Variants in TMEM182 observed in about 807,000 individuals in gnomAD.
The protein encoded by TMEM182 is transmembrane protein 182.
TMEM182 carries 20 observed loss-of-function variants against 26.8 expected under a neutral mutation model. The observed-to-expected ratio is 0.75, with a 90% CI of 0.53 to 1.09. The LOEUF is 1.09. TMEM182 is among the 50% of genes least tolerant of loss of function. The probability of loss-of-function intolerance (pLI) is 0.00; values close to 1 mark genes in which losing one functional copy is unlikely to be tolerated. For missense variants in TMEM182, 277 were observed against 275.5 expected (o/e 1.01, Z -0.04); for synonymous variants, 109 against 102.2 (o/e 1.07, Z -0.40).
rs1341766374 is a variant in TMEM182 at position 102,815,780 on chromosome 2, T to A, written c.*812T>A. ...GCTTGGTCCATAATTCTATTTGATATTTTAAAATTCTCATTTAAAAATTAT... is the reference window on the plus strand; with the variant it reads ...GCTTGGTCCATAATTCTATTTGATAATTTAAAATTCTCATTTAAAAATTAT... On this transcript the variant is annotated 3_prime_UTR_variant, in exon 5 of 5. Transcript: ENST00000412401. The A allele has an allele frequency of 1.5e-5, 14 of 929,898 alleles. No homozygotes were observed. Among genetic ancestry groups the A allele is most frequent in the Non-Finnish European group, 1.8e-5 (14 of 779,634 alleles). The allele number at this position is 929,898 out of a possible 1,614,324, so 57.6% of individuals were successfully genotyped here.
chr2:102,784,198 C>T (rs1222272041), intron 3 of TMEM182, among the ~76,000 whole-genome samples: 1 of 152,110 alleles, frequency 6.6e-6, no homozygotes, highest in Non-Finnish European at 1.5e-5. Context: ...TATAAGGTCC[C>T]TTGATCATGT....
intron 4 of TMEM182, among the ~76,000 whole-genome samples, chr2:102,811,183 A>G (rs1035628396): frequency 6.6e-5 from 10 of 151,928 alleles, no homozygotes; most frequent in Admixed American, 2.6e-4. Context: ...TGAAAAAAGT[A>G]CAGGCCTGTG....
intron 3 of TMEM182, among the ~76,000 whole-genome samples, chr2:102,776,211 C>A (rs771004410): frequency 9.2e-5 from 14 of 152,108 alleles, no homozygotes; most frequent in Admixed American, 6.5e-4. Flanking sequence ...TCAGGATTCA[C>A]TCTTTGTGTT....
chr2:102,760,702 C>G (rs1680180151), upstream of TMEM182, among the ~76,000 whole-genome samples: 1 of 152,066 alleles, frequency 6.6e-6, no homozygotes, highest in Non-Finnish European at 1.5e-5. Flanking sequence ...GCAACCTCAA[C>G]CTCCCGGGTT....
downstream of TMEM182, among the ~76,000 whole-genome samples, chr2:102,818,377 TA>T (rs1379504286): frequency 6.6e-6 from 1 of 152,110 alleles, no homozygotes; most frequent in African/African-American, 2.4e-5. Context: ...ATAATAAGCA[TA>T]AAGTTAGCAA....
chr2:102,747,047 T>C (rs922988715), intron 1 of TMEM182, among the ~76,000 whole-genome samples: 1 of 152,256 alleles, frequency 6.6e-6, no homozygotes, highest in Non-Finnish European at 1.5e-5. Flanking sequence ...ATGGTTTTCA[T>C]CAGTTATACT....
intron 3 of TMEM182, among the ~76,000 whole-genome samples, chr2:102,777,981 G>A (rs562084045): frequency 2.3e-4 from 35 of 152,002 alleles, no homozygotes; most frequent in East Asian, 1.7e-3. Context: ...TGCATATTCT[G>A]TAGTTTTATT....
intron 4 of TMEM182, among the ~76,000 whole-genome samples, chr2:102,809,308 G>C (rs1412319548): frequency 6.6e-6 from 1 of 152,144 alleles, no homozygotes; most frequent in Non-Finnish European, 1.5e-5. Flanking sequence ...TTGAAGAATT[G>C]CTTCGTTTCT....
chr2:102,758,618 C>A, upstream of TMEM182: 1 of 609,778 alleles, frequency 1.6e-6, no homozygotes, highest in Non-Finnish European at 3.0e-6. Context: ...GCCAGATCAG[C>A]ACTGTTTCTT....
intron 3 of TMEM182, among the ~76,000 whole-genome samples, chr2:102,830,847 A>T (rs1683136292): frequency 6.6e-6 from 1 of 151,956 alleles, no homozygotes; most frequent in Non-Finnish European, 1.5e-5. Context: ...CCACCCTCCC[A>T]CTACCCTTCC....
rs770121967 is a variant in TMEM182 at position 102,797,910 on chromosome 2, G to A, written c.379G>A (p.Val127Ile). 1.1e-5 allele frequency: 18 copies of A among 1,614,014 alleles called. No homozygotes were observed. Among genetic ancestry groups the A allele is most frequent in the Non-Finnish European group, 1.4e-5 (16 of 1,180,020 alleles). The change falls in exon 4 of 5, where the codon GTA becomes ATA. Residue 127 changes from valine (V) to isoleucine (I), a missense_variant. Coordinates refer to ENST00000412401, the MANE Select transcript of TMEM182 (RefSeq NM_144632.5). ...CCTGATGCTCCTGGGGGTAGTTGCT[G>A]TAGTCATCGCAAGCTTTTTGATCAT... ...AVLMLLGVVA[V>I]VIASFLIICA...
chr2:102,810,204 T>C (rs938861279), intron 4 of TMEM182, among the ~76,000 whole-genome samples: 1 of 152,212 alleles, frequency 6.6e-6, no homozygotes, highest in Non-Finnish European at 1.5e-5. Context: ...CTAACTTTTT[T>C]AGGAAAAAAG....
chr2:102,821,602 T>C (rs963595921), downstream of TMEM182, among the ~76,000 whole-genome samples: 1 of 152,218 alleles, frequency 6.6e-6, no homozygotes, highest in Non-Finnish European at 1.5e-5. Flanking sequence ...CTTTTCTTTA[T>C]AAATCACACA....
At chr2:102,772,571 G>A (rs1000240497) in intron 3 of TMEM182, among the ~76,000 whole-genome samples, 1 of 152,144 alleles carries the variant, frequency 6.6e-6, no homozygotes, top group Non-Finnish European at 1.5e-5. Context: ...GATAGATGCT[G>A]TAGAGTGTTT....
At chr2:102,754,559 A>G (rs1679976994) in intron 1 of TMEM182, among the ~76,000 whole-genome samples, 1 of 152,224 alleles carries the variant, frequency 6.6e-6, no homozygotes, top group Non-Finnish European at 1.5e-5. Context: ...TAGAACATGG[A>G]TTTGCAGTGT....
intron 3 of TMEM182, among the ~76,000 whole-genome samples, chr2:102,793,544 G>A (rs994023461): frequency 2.0e-5 from 3 of 152,088 alleles, no homozygotes; most frequent in Non-Finnish European, 2.9e-5. Flanking sequence ...ATCCCCCTGA[G>A]GATATGAAAA....
At chr2:102,787,174 G>A (rs1186763835) in intron 3 of TMEM182, among the ~76,000 whole-genome samples, 4 of 152,210 alleles carry the variant, frequency 2.6e-5, no homozygotes, top group African/African-American at 9.7e-5. Flanking sequence ...TGCTTTCTCA[G>A]ATGAAGGAGA....
Position 102,741,010 on chromosome 2 carries a change from C to CT in TMEM182, c.-83+3998dup, listed in dbSNP as rs563409130. ...TTCATATAAAAATTATAGAGGGCTTCTGGTATCTGTGCCAACATATAAAGA... is the reference window on the plus strand; with the variant it reads ...TTCATATAAAAATTATAGAGGGCTTCTTGGTATCTGTGCCAACATATAAAGA... On this transcript the variant is annotated intron_variant, in intron 1 of 5. Transcript: ENST00000409173. Among the ~76,000 whole-genome samples, 405 of 152,326 alleles carry CT rather than the reference C, an allele frequency of 2.7e-3. 1 individual carries two copies. The highest frequency in any genetic ancestry group is 9.5e-3 in the African/African-American group (393 of 41,578).
upstream of TMEM182, among the ~76,000 whole-genome samples, chr2:102,761,094 A>C (rs921624713): frequency 3.3e-5 from 5 of 152,222 alleles, no homozygotes; most frequent in Admixed American, 6.5e-5. Context: ...TATTGTTGAG[A>C]ATATAAAAAC....
Sources: allele counts gnomAD v4.1 joint callset (sites outside exome capture counted in the v4.1 genomes callset), GRCh38; gene constraint gnomAD v4.1.1; transcripts MANE v1.5; gene names NCBI Gene and HGNC (gene_info 2026-07-23, HGNC 2026-07-21).